The following SDK1 variants were observed in gnomAD, a reference collection of about 807,000 sequenced individuals.
SDK1 encodes sidekick cell adhesion molecule 1, also known as protein sidekick-1.
SDK1 carries 157 observed loss-of-function variants against 245.5 expected under a neutral mutation model. The ratio of observed to expected loss-of-function variants is 0.64; its 90% confidence interval spans 0.56 to 0.73. SDK1 has a LOEUF of 0.73. Among genes scored for constraint, SDK1 ranks in the 30% least tolerant of loss-of-function variants. The pLI is 0.00. For missense variants in SDK1, 3,583 were observed against 3,002.3 expected (o/e 1.19, Z -4.52); for synonymous variants, 1,647 against 1,278.5 (o/e 1.29, Z -6.15).
At chr7:3,937,396 G>A (rs576773618) in intron 5 of SDK1, among the ~76,000 whole-genome samples, 4 of 152,176 alleles carry the variant, frequency 2.6e-5, no homozygotes, top group African/African-American at 7.2e-5. Context: ...TGAGAACCAC[G>A]GGGAAGACCA....
chr7:4,042,687 G>T lies in SDK1; in HGVS notation c.2603-6661G>T, dbSNP rs141725110. Among the ~76,000 whole-genome samples the T allele has an allele frequency of 3.4e-3, 516 of 152,282 alleles. 2 individuals carry two copies. Among genetic ancestry groups the T allele is most frequent in the Admixed American group, 5.9e-3 (90 of 15,296 alleles). On this transcript the variant is annotated intron_variant, in intron 17 of 44. Coordinates refer to ENST00000404826, the MANE Select transcript of SDK1 (RefSeq NM_152744.4). ...CAGCGGGAGGCCACGCTGCACACTT[G>T]AAACCCCTTTTGCCTTGACTTTTCT...
At chr7:4,146,545 G>A (rs1243759080) in intron 29 of SDK1, among the ~76,000 whole-genome samples, 1 of 152,222 alleles carries the variant, frequency 6.6e-6, no homozygotes, top group Non-Finnish European at 1.5e-5. Context: ...TATGTGAGAC[G>A]GTCTCAGGTT....
rs77124119 is a variant in SDK1, at chr7:3,990,678, G to A, written c.2131+3356G>A. Among the ~76,000 whole-genome samples, 598 of 152,302 alleles carry A rather than the reference G, an allele frequency of 3.9e-3. 11 individuals carry two copies. In the South Asian group the frequency reaches 0.053, roughly 14 times the overall value. The stretch of plus-strand genomic sequence containing the variant: ...TCAGGACTGTGTCTCCTTTGTCTTC[G>A]TGCTCCTCATTCCCTGCACTTAGTA... On this transcript the variant is annotated intron_variant, in intron 14 of 44. Coordinates refer to ENST00000404826, the MANE Select transcript of SDK1 (RefSeq NM_152744.4).
chr7:3,545,023 C>G (rs996262621), intron 1 of SDK1, among the ~76,000 whole-genome samples: 7 of 152,096 alleles, frequency 4.6e-5, no homozygotes, highest in African/African-American at 1.4e-4. Flanking sequence ...GTGACCATCA[C>G]TGATGGAGGG....
At chr7:3,397,759 G>A (rs1195967158) in intron 1 of SDK1, among the ~76,000 whole-genome samples, 1 of 151,946 alleles carries the variant, frequency 6.6e-6, no homozygotes, top group East Asian at 1.9e-4. Context: ...TGTTTTTGCG[G>A]TTTTTAAAAA....
intron 1 of SDK1, among the ~76,000 whole-genome samples, chr7:3,617,301 G>C (rs1781801474): frequency 6.6e-6 from 1 of 152,166 alleles, no homozygotes; most frequent in Non-Finnish European, 1.5e-5. Context: ...ATTCAGAAGT[G>C]ATCAAGACTA....
At chr7:4,156,007 G>T (rs923054569) in intron 30 of SDK1, among the ~76,000 whole-genome samples, 1 of 152,186 alleles carries the variant, frequency 6.6e-6, no homozygotes, top group African/African-American at 2.4e-5. Flanking sequence ...TAGTGAGCTT[G>T]CCCCACACCA....
chr7:3,480,879 C>T (rs144714401), intron 1 of SDK1, among the ~76,000 whole-genome samples: 2,209 of 152,300 alleles, frequency 0.015, 20 homozygotes, highest in African/African-American at 0.019. Context: ...ACGCTGGCAT[C>T]GGACTTCCAG....
chr7:3,317,395 CATCT>C, intron 1 of SDK1, among the ~76,000 whole-genome samples: 1 of 152,150 alleles, frequency 6.6e-6, no homozygotes, highest in East Asian at 1.9e-4. Context: ...TTTTTGTTTT[CATCT>C]ATCTGCTTTC....
intron 28 of SDK1, among the ~76,000 whole-genome samples, chr7:4,136,208 G>C (rs1779079892): frequency 6.6e-6 from 1 of 152,204 alleles, no homozygotes; most frequent in Non-Finnish European, 1.5e-5. Flanking sequence ...TGCAGCATTG[G>C]CTTGTAATTG....
chr7:4,122,252 C>A (rs1281627429), intron 25 of SDK1, among the ~76,000 whole-genome samples: 5 of 152,164 alleles, frequency 3.3e-5, no homozygotes, highest in Non-Finnish European at 5.9e-5. Context: ...TGGGCCTTCC[C>A]TGGCCCTACT....
At chr7:3,784,249 C>T (rs1048797331) in intron 4 of SDK1, among the ~76,000 whole-genome samples, 3 of 151,468 alleles carry the variant, frequency 2.0e-5, no homozygotes, top group African/African-American at 4.9e-5. Flanking sequence ...AGATATTATG[C>T]CAAGAATATG....
At chr7:3,918,419 G>C (rs1352217835) in intron 5 of SDK1, among the ~76,000 whole-genome samples, 2 of 152,160 alleles carry the variant, frequency 1.3e-5, no homozygotes, top group South Asian at 2.1e-4. Flanking sequence ...ATTGTGAGCT[G>C]TGCCCGCGAG....
Position 4,188,088 on chromosome 7 carries a change from A to T in SDK1, c.5098+9502A>T, listed in dbSNP as rs115074625. 2.2e-3 allele frequency among the ~76,000 whole-genome samples: 332 copies of T among 152,274 alleles called. 1 individual carries two copies. Among genetic ancestry groups the T allele is most frequent in the African/African-American group, 7.8e-3 (324 of 41,556 alleles). On this transcript the variant is annotated intron_variant, in intron 35 of 44. Coordinates refer to ENST00000404826, the MANE Select transcript of SDK1 (RefSeq NM_152744.4). ...TGGGGAAAACCACTCCCATGATTCAATTCTCTCTCGCTGGGCCTCTTCCGC... is the reference window on the plus strand; with the variant it reads ...TGGGGAAAACCACTCCCATGATTCATTTCTCTCTCGCTGGGCCTCTTCCGC...
chr7:3,350,944 T>C (rs1445794109), intron 1 of SDK1, among the ~76,000 whole-genome samples: 1 of 152,230 alleles, frequency 6.6e-6, no homozygotes, highest in African/African-American at 2.4e-5. Context: ...AGGAGAATTA[T>C]GGTAGGGTAA....
At chr7:4,122,445 C>G (rs913598846) in intron 25 of SDK1, among the ~76,000 whole-genome samples, 3 of 152,144 alleles carry the variant, frequency 2.0e-5, no homozygotes, top group Non-Finnish European at 4.4e-5. Flanking sequence ...AGTCTCCCCT[C>G]AATGGAAATA....
chr7:4,214,693 C>T (rs559739120), intron 38 of SDK1, among the ~76,000 whole-genome samples: 3 of 152,302 alleles, frequency 2.0e-5, no homozygotes, highest in East Asian at 1.9e-4. Flanking sequence ...TTCCAGACTT[C>T]GGATTCCTGC....
chr7:4,205,749 C>G, intron 35 of SDK1, 130 bp from the exon 36 acceptor site: 1 of 758,438 alleles, frequency 1.3e-6, no homozygotes. Context: ...GGGCGACGGC[C>G]CAGGGAAGAA....
At chr7:3,527,793 C>G (rs1222038591) in intron 1 of SDK1, among the ~76,000 whole-genome samples, 1 of 133,864 alleles carries the variant, frequency 7.5e-6, no homozygotes, top group Non-Finnish European at 1.6e-5. Flanking sequence ...TCATAGCCAG[C>G]TAGAGGGTGA....
Sources: gnomAD v4.1 joint callset for allele counts (sites outside exome capture counted in the v4.1 genomes callset) on GRCh38, gnomAD v4.1.1 for gene constraint, MANE v1.5 for transcripts, NCBI Gene and HGNC (gene_info 2026-07-23, HGNC 2026-07-21) for gene names.